AUTS2: variants seen among roughly 807,000 people sequenced by gnomAD.
AUTS2 encodes the protein autism susceptibility gene 2 protein.
In AUTS2, 17 loss-of-function variants were observed where a neutral mutation model predicts 112.4. The ratio of observed to expected loss-of-function variants is 0.15; its 90% CI spans 0.10 to 0.23. AUTS2 has a LOEUF of 0.23. Among genes scored for constraint, AUTS2 ranks in the 10% least tolerant of loss-of-function variants. The pLI is 1.00. For synonymous variants in AUTS2, 751 were observed against 702.7 expected (o/e 1.07, Z -1.09); for missense variants, 1,510 against 1,701.6 (o/e 0.89, Z 1.98).
At chr7:69,825,115 T>TA (rs1241821261) in intron 1 of AUTS2, among the ~76,000 whole-genome samples, 1 of 152,226 alleles carries the variant, frequency 6.6e-6, no homozygotes, top group African/African-American at 2.4e-5. Flanking sequence ...TTTACATAGT[T>TA]ATCTTTTTAA....
chr7:70,459,763 T>C (rs1008288445), intron 5 of AUTS2, among the ~76,000 whole-genome samples: 3 of 152,202 alleles, frequency 2.0e-5, no homozygotes, highest in Non-Finnish European at 1.5e-5. Flanking sequence ...AATGTAGACC[T>C]GGGAGCTTCC....
intron 4 of AUTS2, among the ~76,000 whole-genome samples, chr7:70,175,359 C>T (rs1808930159): frequency 6.6e-6 from 1 of 152,172 alleles, no homozygotes; most frequent in Non-Finnish European, 1.5e-5. Context: ...GGAGTCTACT[C>T]CTGGTGAAGA....
chr7:70,477,203 T>C (rs1458630653), intron 5 of AUTS2, among the ~76,000 whole-genome samples: 1 of 152,210 alleles, frequency 6.6e-6, no homozygotes. Flanking sequence ...CAGTAGTTAC[T>C]CACCTTTTCT....
intron 5 of AUTS2, among the ~76,000 whole-genome samples, chr7:70,472,959 G>A (rs879907466): frequency 1.6e-4 from 25 of 152,174 alleles, no homozygotes; most frequent in Non-Finnish European, 2.1e-4. Context: ...AGTAAACTTC[G>A]TTGGCTACAA....
intron 2 of AUTS2, among the ~76,000 whole-genome samples, chr7:70,076,814 A>G (rs565489326): frequency 7.9e-5 from 12 of 152,342 alleles, no homozygotes; most frequent in South Asian, 4.1e-4. Flanking sequence ...TCTTGACAGT[A>G]CAAATACAAA....
At chr7:70,592,504 A>G (rs909847028) in intron 5 of AUTS2, among the ~76,000 whole-genome samples, 2 of 152,006 alleles carry the variant, frequency 1.3e-5, no homozygotes, top group African/African-American at 4.8e-5. Context: ...CTGGATTACA[A>G]GTGTGTGCCA....
rs774179304 is a variant in AUTS2 at position 70,767,985 on chromosome 7, C to G, written c.1690-39C>G. The G allele has an allele frequency of 1.0e-5, 16 of 1,603,596 alleles. No homozygotes were observed. In the South Asian group the frequency reaches 1.7e-4, roughly 17 times the overall value. ...TCCACTGTAGCAGTGAACAAAAATG[C>G]AGATTAAGTAACTAGCTTTTGCTTT... On this transcript the variant is annotated intron_variant, in intron 9 of 18. Transcript: ENST00000342771.
intron 1 of AUTS2, among the ~76,000 whole-genome samples, chr7:69,721,256 T>C (rs1798917513): frequency 6.6e-6 from 1 of 152,144 alleles, no homozygotes; most frequent in South Asian, 2.1e-4. Flanking sequence ...GGCTGTCACG[T>C]TTACTTTTCA....
At chr7:70,106,225 G>T (rs948205186) in intron 2 of AUTS2, among the ~76,000 whole-genome samples, 2 of 152,152 alleles carry the variant, frequency 1.3e-5, no homozygotes, top group Non-Finnish European at 2.9e-5. Flanking sequence ...TCTAATTCAG[G>T]TTCCTCAGAG....
chr7:70,722,919 T>C (rs1786784306), intron 6 of AUTS2, among the ~76,000 whole-genome samples: 1 of 152,226 alleles, frequency 6.6e-6, no homozygotes, highest in Admixed American at 6.5e-5. Context: ...CTGTTCATCC[T>C]TTGTCATGTT....
chr7:70,276,222 G>T (rs965147027), intron 4 of AUTS2, among the ~76,000 whole-genome samples: 4 of 152,000 alleles, frequency 2.6e-5, no homozygotes, highest in Non-Finnish European at 4.4e-5. Context: ...GTATTTTCAA[G>T]AATATGCCTA....
chr7:69,912,719 C>A (rs1030612117), intron 2 of AUTS2, among the ~76,000 whole-genome samples: 1 of 152,188 alleles, frequency 6.6e-6, no homozygotes, highest in Non-Finnish European at 1.5e-5. Flanking sequence ...AGCTCTTTGG[C>A]TTTCATTTTA....
chr7:70,768,634 T>C (rs1279443951), intron 10 of AUTS2, among the ~76,000 whole-genome samples: 1 of 152,170 alleles, frequency 6.6e-6, no homozygotes, highest in East Asian at 1.9e-4. Flanking sequence ...AAATGAGTGA[T>C]ATTTTCTCTT....
At chr7:70,254,192 A>G (rs1039120602) in intron 4 of AUTS2, among the ~76,000 whole-genome samples, 1 of 152,216 alleles carries the variant, frequency 6.6e-6, no homozygotes, top group Non-Finnish European at 1.5e-5. Context: ...AAGGCTGGAA[A>G]TAGCCATGAT....
At chr7:70,026,510 G>A (rs920331962) in intron 2 of AUTS2, among the ~76,000 whole-genome samples, 1 of 152,186 alleles carries the variant, frequency 6.6e-6, no homozygotes, top group African/African-American at 2.4e-5. Context: ...GGAGATCTAG[G>A]TTGGCATTTC....
chr7:70,185,224 A>G (rs1809534123), intron 4 of AUTS2, among the ~76,000 whole-genome samples: 1 of 145,372 alleles, frequency 6.9e-6, no homozygotes, highest in South Asian at 2.3e-4. Flanking sequence ...TGTCAAAACC[A>G]GTGGTGTTGC....
intron 5 of AUTS2, among the ~76,000 whole-genome samples, chr7:70,680,332 T>C (rs968548313): frequency 3.9e-5 from 6 of 152,196 alleles, no homozygotes; most frequent in Admixed American, 2.6e-4. Flanking sequence ...AAGAAATAGT[T>C]ACCTGACTTA....
chr7:69,661,954 C>T (rs1471888697), intron 1 of AUTS2, among the ~76,000 whole-genome samples: 3 of 152,142 alleles, frequency 2.0e-5, no homozygotes, highest in Non-Finnish European at 4.4e-5. Context: ...AAGGGGGATT[C>T]TCCTGGGCGT....
chr7:70,513,725 A>G (rs945813437), intron 5 of AUTS2, among the ~76,000 whole-genome samples: 3 of 150,740 alleles, frequency 2.0e-5, no homozygotes, highest in Non-Finnish European at 2.9e-5. Context: ...TAGTGGTGCA[A>G]TCTCGGCTCA....
Sources: allele counts gnomAD v4.1 joint callset (sites outside exome capture counted in the v4.1 genomes callset), GRCh38; gene constraint gnomAD v4.1.1; transcripts MANE v1.5; gene names NCBI Gene and HGNC (gene_info 2026-07-23, HGNC 2026-07-21).